Variants in RALYL observed in about 807,000 individuals in gnomAD.
The protein encoded by RALYL is RALY RNA binding protein like.
Under a neutral mutation model 35.1 loss-of-function variants are expected in RALYL, and 29 were observed. That is an observed-to-expected ratio of 0.83 (90% CI 0.61 to 1.13). The LOEUF is 1.13. Among genes scored for constraint, RALYL ranks in the 50% most tolerant of loss-of-function variants. The pLI is 0.00. For missense variants in RALYL, 359 were observed against 360.4 expected, an observed-to-expected ratio of 1.00 and a Z score of 0.03; for synonymous variants, 120 against 127.6, an observed-to-expected ratio of 0.94 and a Z score of 0.40.
chr8:84,300,152 G>A (rs1840498621), intron 1 of RALYL, among the ~76,000 whole-genome samples: 1 of 151,866 alleles, frequency 6.6e-6, no homozygotes, highest in Admixed American at 6.6e-5. Context: ...GTTTTAATTA[G>A]TTTCACAGAA....
At chr8:84,907,880 T>C (rs1226435171) in intron 8 of RALYL, among the ~76,000 whole-genome samples, 1 of 152,116 alleles carries the variant, frequency 6.6e-6, no homozygotes, top group African/African-American at 2.4e-5. Flanking sequence ...AAAACCTTGA[T>C]ATTTGTGACC....
chr8:84,862,749 A>AAAT (rs1330879849), intron 6 of RALYL, among the ~76,000 whole-genome samples: 2 of 152,258 alleles, frequency 1.3e-5, no homozygotes, highest in African/African-American at 4.8e-5. Context: ...TAAAGTACTG[A>AAAT]AATATAATAT....
chr8:84,262,079 G>C (rs1467370832), intron 1 of RALYL, among the ~76,000 whole-genome samples: 1 of 152,056 alleles, frequency 6.6e-6, no homozygotes, highest in Non-Finnish European at 1.5e-5. Context: ...ATTCAGCTCT[G>C]TTCTGTTGAT....
intron 2 of RALYL, among the ~76,000 whole-genome samples, chr8:84,740,638 A>G (rs766829359): frequency 1.3e-5 from 2 of 152,040 alleles, no homozygotes; most frequent in African/African-American, 4.8e-5. Context: ...ATTTTGCATA[A>G]CTGAAACTTG....
chr8:84,381,025 G>A (rs751263425), intron 1 of RALYL, among the ~76,000 whole-genome samples: 11 of 151,802 alleles, frequency 7.2e-5, no homozygotes, highest in Non-Finnish European at 1.3e-4. Context: ...TCAGCAAAAA[G>A]AGGACCCCAA....
chr8:84,321,477 G>T (rs555923411), intron 1 of RALYL, among the ~76,000 whole-genome samples: 2 of 152,180 alleles, frequency 1.3e-5, no homozygotes, highest in South Asian at 4.1e-4. Context: ...AGAGCCTATG[G>T]AATAACACAA....
intron 2 of RALYL, among the ~76,000 whole-genome samples, chr8:84,713,731 G>A (rs1214579045): frequency 2.6e-5 from 4 of 151,500 alleles, no homozygotes; most frequent in African/African-American, 9.7e-5. Flanking sequence ...TCATTTTTGG[G>A]AATATATTCA....
intron 1 of RALYL, among the ~76,000 whole-genome samples, chr8:84,233,978 C>T (rs899197445): frequency 1.3e-5 from 2 of 152,126 alleles, no homozygotes; most frequent in African/African-American, 4.8e-5. Context: ...GTGAGCTTTT[C>T]AGTCTCATTT....
chr8:84,528,712 T>A (rs1026496811), intron 1 of RALYL, among the ~76,000 whole-genome samples: 2 of 152,144 alleles, frequency 1.3e-5, no homozygotes, highest in African/African-American at 4.8e-5. Flanking sequence ...GTCGCTTATT[T>A]TTAAAATTGT....
chr8:84,714,157 A>G (rs1343624472), intron 2 of RALYL, among the ~76,000 whole-genome samples: 1 of 151,880 alleles, frequency 6.6e-6, no homozygotes, highest in Non-Finnish European at 1.5e-5. Flanking sequence ...GTACAGAAAG[A>G]TAAATACTGT....
intron 2 of RALYL, among the ~76,000 whole-genome samples, chr8:84,675,689 C>G (rs187869247): frequency 5.3e-5 from 8 of 152,196 alleles, no homozygotes; most frequent in Admixed American, 3.9e-4. Context: ...TGTTTGGTCA[C>G]ATCCAAAAAG....
At chr8:84,344,178 TCA>T (rs1849384070) in intron 1 of RALYL, among the ~76,000 whole-genome samples, 1 of 152,188 alleles carries the variant, frequency 6.6e-6, no homozygotes, top group South Asian at 2.1e-4. Context: ...ACCCATGATT[TCA>T]CAGAGGAGAC....
chr8:84,290,879 GTAATACTTTTGATATGTA>G (rs1263723787), intron 1 of RALYL, among the ~76,000 whole-genome samples: 1 of 152,132 alleles, frequency 6.6e-6, no homozygotes, highest in African/African-American at 2.4e-5. Context: ...TGAAATTACT[GTAATACTTTTGATATGTA>G]TAATACTTTT....
At chr8:84,902,047 G>T (rs1845783687) in intron 8 of RALYL, among the ~76,000 whole-genome samples, 1 of 152,100 alleles carries the variant, frequency 6.6e-6, no homozygotes, top group Admixed American at 6.6e-5. Context: ...ATATCCAGAG[G>T]TTATTTGACT....
At chr8:84,816,778 T>G (rs1827404007) in intron 4 of RALYL, among the ~76,000 whole-genome samples, 1 of 152,200 alleles carries the variant, frequency 6.6e-6, no homozygotes, top group Admixed American at 6.5e-5. Context: ...ATTGTTTGTT[T>G]GTAACACAAA....
At chr8:84,388,322 T>C (rs1285885568) in intron 1 of RALYL, among the ~76,000 whole-genome samples, 5 of 152,154 alleles carry the variant, frequency 3.3e-5, no homozygotes, top group East Asian at 3.9e-4. Flanking sequence ...TGTGTCTTTA[T>C]AGCAGCATGA....
chr8:84,851,808 A>G (rs1031549954), intron 5 of RALYL, among the ~76,000 whole-genome samples: 12 of 152,174 alleles, frequency 7.9e-5, no homozygotes, highest in African/African-American at 1.9e-4. Context: ...CATCCCTCAC[A>G]GATTAAATTA....
At chr8:84,250,844 C>G (rs148848542) in intron 1 of RALYL, among the ~76,000 whole-genome samples, 2,423 of 152,110 alleles carry the variant, frequency 0.016, 22 homozygotes, top group Middle Eastern at 0.048. Context: ...AACCAAACAG[C>G]CCCATTTTCA....
chr8:84,576,456 A>G (rs1319098514), intron 2 of RALYL, among the ~76,000 whole-genome samples: 6 of 152,208 alleles, frequency 3.9e-5, no homozygotes, highest in African/African-American at 1.2e-4. Context: ...CACTAGCTGA[A>G]TTGGGATGGC....
Sources: gnomAD v4.1 joint callset for allele counts (sites outside exome capture counted in the v4.1 genomes callset) on GRCh38, gnomAD v4.1.1 for gene constraint, MANE v1.5 for transcripts, NCBI Gene and HGNC (gene_info 2026-07-23, HGNC 2026-07-21) for gene names.